Variants in DGKD observed in about 807,000 individuals in gnomAD.
The protein encoded by DGKD is DAG kinase delta.
A neutral mutation model predicts 154.4 loss-of-function variants in DGKD; 68 were observed. The ratio of observed to expected loss-of-function variants is 0.44; its 90% CI spans 0.36 to 0.54. The LOEUF is 0.54. DGKD is among the 20% of genes least tolerant of loss of function. The probability of loss-of-function intolerance (pLI) is 0.00; values close to 1 mark genes in which losing one functional copy is unlikely to be tolerated. For synonymous variants in DGKD, 693 were observed against 638.0 expected, an observed-to-expected ratio of 1.09 and a Z score of -1.30; for missense variants, 1,343 against 1,593.6, an observed-to-expected ratio of 0.84 and a Z score of 2.68.
intron 1 of DGKD, among the ~76,000 whole-genome samples, chr2:233,375,469 A>G (rs1351920816): frequency 1.3e-5 from 2 of 152,120 alleles, no homozygotes; most frequent in Non-Finnish European, 2.9e-5. Context: ...TTATTCTCCA[A>G]ATGTCAGAAA....
rs1227280074 is a variant in DGKD, at chr2:233,354,520, T to TGGCGGC, written c.11_16dup (p.Ala4_Ala5dup). Reference sequence around the variant, plus strand: ...CGGTGCGCGCGCTGGCCCGGCAGCATGGCGGCGGCGGCGGGCGCCCCTCCG... The same window carrying TGGCGGC: ...CGGTGCGCGCGCTGGCCCGGCAGCATGGCGGCGGCGGCGGCGGCGGGCGCCCCTCCG... On this transcript the variant is annotated inframe_insertion, in exon 1 of 30. Coordinates refer to ENST00000264057, the MANE Select transcript of DGKD (RefSeq NM_152879.3). This position sits in a 1 kb window ranked among gnomAD's most constrained non-coding sequence, Gnocchi z 4.8. 1.8e-4 allele frequency: 180 copies of TGGCGGC among 982,796 alleles called. No homozygotes were observed. The highest frequency in any genetic ancestry group is 2.1e-4 in the Non-Finnish European group (172 of 830,856). The allele number at this position is 982,796 out of a possible 1,614,324, so 60.9% of individuals were successfully genotyped here. A position where few individuals can be genotyped will look rare whatever the true frequency, so the allele number is the denominator to read the frequency against.
At position 233,452,390 on chromosome 2, in the gene DGKD, G is replaced by A. The variant is rs144376112; in HGVS notation, c.2264+330G>A. ...AGGAGCTGCCCTTGTGCTGCTCTTC[G>A]TGGTCACTCTCCCATGATCTTGGCT... On this transcript the variant is annotated intron_variant, in intron 18 of 29. Transcript: ENST00000264057. This position sits in a 1 kb window ranked among gnomAD's most constrained non-coding sequence, Gnocchi z 4.0. Among the ~76,000 whole-genome samples the A allele has an allele frequency of 1.8e-3, 271 of 152,226 alleles. No individual in the cohort carries two copies. The highest frequency in any genetic ancestry group is 6.2e-3 in the African/African-American group (258 of 41,524).
At chr2:233,467,246 T>C in intron 28 of DGKD, 43 bp downstream of exon 28, 1 of 1,390,516 alleles carries the variant, frequency 7.2e-7, no homozygotes, top group Non-Finnish European at 1.0e-6. Flanking sequence ...CGTCCACGCC[T>C]GCTGGATCGG....
At chr2:233,395,799 G>T (rs1703984991) in intron 3 of DGKD, among the ~76,000 whole-genome samples, 1 of 151,632 alleles carries the variant, frequency 6.6e-6, no homozygotes, top group Non-Finnish European at 1.5e-5. Context: ...CTCCCAAAAT[G>T]TTCAGATTAC....
rs372960195 is a variant in DGKD, at chr2:233,468,434, G to A, written c.3436G>A (p.Gly1146Arg). 3.1e-6 allele frequency: 5 copies of A among 1,613,286 alleles called. No homozygotes were observed. The highest frequency in any genetic ancestry group is 4.2e-6 in the Non-Finnish European group (5 of 1,179,836). Residue 1146 changes from glycine to arginine, a missense_variant, in exon 29 of 30, where the codon GGG becomes AGG. Gly to Arg is a moderately radical substitution (Grantham distance 125). Transcript: ENST00000264057. Reference protein sequence around the residue: ...SSLGAPVHLWGTEEVAAWLEH... With the variant: ...SSLGAPVHLWRTEEVAAWLEH... Reference sequence around the variant, plus strand: ...TCCATCTCCGACAGTTCACCTCTGGGGGACAGAGGAGGTTGCTGCCTGGCT... The same window carrying A: ...TCCATCTCCGACAGTTCACCTCTGGAGGACAGAGGAGGTTGCTGCCTGGCT...
Position 233,457,305 on chromosome 2 carries a change from T to TG in DGKD, c.2564dup (p.Thr856TyrfsTer5), listed in dbSNP as rs35538077. On this transcript the variant is annotated frameshift_variant, in exon 21 of 30. Coordinates refer to ENST00000264057, the MANE Select transcript of DGKD (RefSeq NM_152879.3). LOFTEE classifies it high-confidence loss of function. The surrounding 1 kb of genome is among the most constrained non-coding windows in gnomAD (Gnocchi z 5.5). ...CAGCTATGCCGGAGGAACCAACTTC[T>TG]GGGGGGGTACCAAGGAAGATGATGT... 2.3e-5 allele frequency: 36 copies of TG among 1,536,008 alleles called. No individual in the cohort carries two copies. Among genetic ancestry groups the TG allele is most frequent in the Non-Finnish European group, 2.9e-5 (33 of 1,140,828 alleles).
At chr2:233,415,680 A>G (rs1320824490) in intron 3 of DGKD, among the ~76,000 whole-genome samples, 2 of 152,192 alleles carry the variant, frequency 1.3e-5, no homozygotes, top group African/African-American at 2.4e-5. Flanking sequence ...CTGAAGTGCA[A>G]TGGCGTGATC....
chr2:233,390,312 G>T, intron 2 of DGKD, 91 bp from the exon 3 acceptor site: 1 of 859,868 alleles, frequency 1.2e-6, no homozygotes, highest in Non-Finnish European at 1.8e-6. Context: ...TGCTTGTTAG[G>T]GATCATTGGG....
At chr2:233,367,677 A>G (rs1350231426) in intron 1 of DGKD, among the ~76,000 whole-genome samples, 2 of 152,058 alleles carry the variant, frequency 1.3e-5, no homozygotes, top group African/African-American at 2.4e-5. Context: ...AGCAGTTTCA[A>G]AGACTCTCAC....
chr2:233,354,523 C>T lies in DGKD; in HGVS notation c.5C>T (p.Ala2Val). 2 of 940,486 alleles carry T rather than the reference C, an allele frequency of 2.1e-6. No individual in the cohort carries two copies. The highest frequency in any genetic ancestry group is 2.5e-6 in the Non-Finnish European group (2 of 791,052). The allele number at this position is 940,486 out of a possible 1,614,324, so 58.3% of individuals were successfully genotyped here. M[A>V]AAAGAPPPGP... ...TGCGCGCGCTGGCCCGGCAGCATGGCGGCGGCGGCGGGCGCCCCTCCGCCG... is the reference window on the plus strand; with the variant it reads ...TGCGCGCGCTGGCCCGGCAGCATGGTGGCGGCGGCGGGCGCCCCTCCGCCG... The change falls in exon 1 of 30, where the codon GCG (alanine) becomes GTG (valine). Residue 2 changes from alanine to valine, a missense_variant. By Grantham distance (64) the Ala-to-Val change is moderately conservative. Around this residue, in one of 6 missense-constraint regions of DGKD, gnomAD observed 57 missense variants for 27.8 expected, o/e 2.05. Transcript: ENST00000264057. This position sits in a 1 kb window ranked among gnomAD's most constrained non-coding sequence, Gnocchi z 4.8.
At chr2:233,394,880 AT>A (rs1265173262) in intron 3 of DGKD, among the ~76,000 whole-genome samples, 15 of 149,438 alleles carry the variant, frequency 1.0e-4, no homozygotes, top group African/African-American at 3.7e-4. Context: ...CTAATTTTTT[AT>A]TTTTTGTAGA....
In DGKD at chr2:233,451,034, C is replaced by G; in HGVS notation, c.2151C>G (p.Thr717=). 1 of 1,611,234 alleles carries G rather than the reference C, an allele frequency of 6.2e-7. No individual in the cohort carries two copies. ...GGGACGGCCTGCCTGCGCTCAACAC[C>G]AAGATCCTGTACCCAAGTGAGTGGC... ...GSRDGLPALN[T]KILYPNVRAG... The change falls in exon 17 of 30, where the codon ACC becomes ACG. Residue 717 remains threonine, a synonymous_variant. Coordinates refer to ENST00000264057, the MANE Select transcript of DGKD (RefSeq NM_152879.3).
intron 17 of DGKD, among the ~76,000 whole-genome samples, chr2:233,451,570 C>CTTT (rs201064758): frequency 7.1e-6 from 1 of 141,696 alleles, no homozygotes. Context: ...CTCTATAAGC[C>CTTT]TTTTTTTTTT....
intron 1 of DGKD, among the ~76,000 whole-genome samples, chr2:233,386,938 C>A (rs1386308345): frequency 6.6e-6 from 1 of 152,164 alleles, no homozygotes; most frequent in Non-Finnish European, 1.5e-5. Context: ...GGAGAAGAGA[C>A]CCCTAGGCAG....
At chr2:233,365,243 T>C (rs1202117805) in intron 1 of DGKD, among the ~76,000 whole-genome samples, 6 of 152,096 alleles carry the variant, frequency 3.9e-5, no homozygotes, top group African/African-American at 1.4e-4. Flanking sequence ...TTTTTTTTTT[T>C]TTTGGGAGAC....
Position 233,449,063 on chromosome 2 carries a change from C to T in DGKD, c.1615-40C>T. ...GTTCCCTGCCTGCAGACCCTGTTCT[C>T]CTGCCTCAGCTCTGCATGCCATTTC... On this transcript the variant is annotated intron_variant, in intron 14 of 29. Coordinates refer to ENST00000264057, the MANE Select transcript of DGKD (RefSeq NM_152879.3). The surrounding 1 kb of genome is among the most constrained non-coding windows in gnomAD (Gnocchi z 5.3). The T allele has an allele frequency of 3.9e-6, 6 of 1,548,620 alleles. No individual in the cohort carries two copies. In the South Asian group the frequency reaches 7.2e-5, roughly 18 times the overall value.
chr2:233,419,874 T>C (rs2062059167), intron 3 of DGKD, among the ~76,000 whole-genome samples: 2 of 152,144 alleles, frequency 1.3e-5, no homozygotes, highest in South Asian at 4.1e-4. Context: ...TTGTGGTTTG[T>C]GGAGGGGTGT....
At chr2:233,423,130 T>C (rs1217112474) in intron 3 of DGKD, among the ~76,000 whole-genome samples, 1 of 152,194 alleles carries the variant, frequency 6.6e-6, no homozygotes, top group Non-Finnish European at 1.5e-5. Flanking sequence ...TCCACGGGTG[T>C]ACCACAGTTT....
chr2:233,363,946 A>T (rs1230543086), intron 1 of DGKD, among the ~76,000 whole-genome samples: 1 of 152,184 alleles, frequency 6.6e-6, no homozygotes, highest in African/African-American at 2.4e-5. Context: ...CATTTCTCAG[A>T]ATATATGCTC....
Sources: gnomAD v4.1 joint callset for allele counts (sites outside exome capture counted in the v4.1 genomes callset) on GRCh38, gnomAD v4.1.1 for gene constraint, gnomAD v4.1.1 regional missense constraint, Gnocchi (gnomAD v3.1) non-coding constraint, MANE v1.5 for transcripts, NCBI Gene and HGNC (gene_info 2026-07-23, HGNC 2026-07-21) for gene names.